Variants in PLXNA2 observed in about 807,000 individuals in gnomAD.
The protein encoded by PLXNA2 is plexin-A2.
Under a neutral mutation model 193.5 loss-of-function variants are expected in PLXNA2, and 91 were observed. That is an observed-to-expected ratio of 0.47 (90% CI 0.40 to 0.56). The LOEUF (loss-of-function observed/expected upper bound fraction) is 0.56. Ranked by LOEUF, PLXNA2 falls within the 20% of genes least tolerant of loss-of-function variation. The pLI, the probability that PLXNA2 is intolerant of heterozygous loss-of-function variation, is 0.00. For missense variants in PLXNA2, 1,995 were observed against 2,503.2 expected (o/e 0.80, Z 4.33); for synonymous variants, 997 against 1,027.3 (o/e 0.97, Z 0.56).
intron 3 of PLXNA2, among the ~76,000 whole-genome samples, chr1:208,203,679 T>C (rs1248263169): frequency 6.6e-6 from 1 of 152,120 alleles, no homozygotes; most frequent in African/African-American, 2.4e-5. Context: ...TAAATGCCAA[T>C]GTCAATATTG....
intron 2 of PLXNA2, among the ~76,000 whole-genome samples, chr1:208,213,197 C>A (rs1671018334): frequency 6.6e-6 from 1 of 152,124 alleles, no homozygotes; most frequent in African/African-American, 2.4e-5. Flanking sequence ...CAGCCTAAGC[C>A]CTTAGGATTG....
rs889847498 is a variant in PLXNA2 at position 208,236,965 on chromosome 1, C to G, written c.-81+6678G>C. Among the ~76,000 whole-genome samples, 1 of 152,254 alleles carries G rather than the reference C, an allele frequency of 6.6e-6. No homozygotes were observed. Among genetic ancestry groups the G allele is most frequent in the Non-Finnish European group, 1.5e-5 (1 of 68,048 alleles). ...GACAGCATCACTGATGTGGCTCCCC[C>G]AGCCTCAGACGAGGTGCAGGGAGAG... On this transcript the variant is annotated intron_variant, in intron 1 of 31. Coordinates refer to ENST00000367033, the MANE Select transcript of PLXNA2 (RefSeq NM_025179.4). This position sits in a 1 kb window ranked among gnomAD's most constrained non-coding sequence, Gnocchi z 4.4.
intron 12 of PLXNA2, among the ~76,000 whole-genome samples, chr1:208,074,465 A>G (rs1313277722): frequency 6.6e-6 from 1 of 152,186 alleles, no homozygotes; most frequent in Non-Finnish European, 1.5e-5. Flanking sequence ...AGCAGAAGGT[A>G]AGTCCTGAGG....
chr1:208,196,158 A>G (rs1670353067), intron 3 of PLXNA2, among the ~76,000 whole-genome samples: 1 of 152,190 alleles, frequency 6.6e-6, no homozygotes, highest in African/African-American at 2.4e-5. Context: ...GAAGAAACTG[A>G]TTAATGTTTT....
At chr1:208,108,578 T>G (rs1371372577) in intron 4 of PLXNA2, among the ~76,000 whole-genome samples, 1 of 152,214 alleles carries the variant, frequency 6.6e-6, no homozygotes, top group African/African-American at 2.4e-5. Context: ...TCTATGGCTC[T>G]TCTGGAGAAA....
At chr1:208,167,930 C>T (rs746732890) in intron 3 of PLXNA2, among the ~76,000 whole-genome samples, 1 of 152,196 alleles carries the variant, frequency 6.6e-6, no homozygotes, top group Admixed American at 6.5e-5. Context: ...TACAGAATTG[C>T]TCTCTGGCTT....
In PLXNA2 at chr1:208,217,740, G is replaced by A. The variant is rs12120681; in HGVS notation, c.183C>T (p.Ala61=). The A allele has an allele frequency of 0.15, 244,781 of 1,614,008 alleles. 20,166 individuals carry two copies. The highest frequency in any genetic ancestry group is 0.17 in the Non-Finnish European group (199,706 of 1,179,966). ...NHLTVHQGTG[A]VYVGAINRVY... Reference sequence around the variant, plus strand: ...CCCGGTTGATGGCCCCCACATAGACGGCCCCCGTCCCTTGGTGGACGGTCA... The same window carrying A: ...CCCGGTTGATGGCCCCCACATAGACAGCCCCCGTCCCTTGGTGGACGGTCA... Residue 61 remains alanine, a synonymous_variant, in exon 2 of 32, where the codon GCC becomes GCT. Transcript: ENST00000367033. This position sits in a 1 kb window ranked among gnomAD's most constrained non-coding sequence, Gnocchi z 4.7.
intron 9 of PLXNA2, among the ~76,000 whole-genome samples, chr1:208,089,972 C>T (rs1041123007): frequency 2.0e-5 from 3 of 152,130 alleles, no homozygotes; most frequent in African/African-American, 4.8e-5. Flanking sequence ...ATGGGGTTCT[C>T]CTAAAGCAGA....
intron 9 of PLXNA2, among the ~76,000 whole-genome samples, chr1:208,089,625 TTTG>T (rs1179934059): frequency 6.6e-6 from 1 of 152,200 alleles, no homozygotes; most frequent in Non-Finnish European, 1.5e-5. Flanking sequence ...CTGGGCACAC[TTTG>T]AGAACTCCTG....
intron 3 of PLXNA2, among the ~76,000 whole-genome samples, chr1:208,187,809 T>C (rs1473768034): frequency 1.3e-5 from 2 of 152,148 alleles, no homozygotes; most frequent in African/African-American, 4.8e-5. Context: ...GCTGATCAGA[T>C]GGGTCAGGTA....
chr1:208,069,576 C>T lies in PLXNA2; in HGVS notation c.2587-8739G>A, dbSNP rs553424094. ...CTGCACTGGGGAGGCGCTGGAAGGC[C>T]CAGGGGCTTGGCAGCCTGGGGAGTG... On this transcript the variant is annotated intron_variant, in intron 12 of 31. Coordinates refer to ENST00000367033, the MANE Select transcript of PLXNA2 (RefSeq NM_025179.4). 6.0e-4 allele frequency among the ~76,000 whole-genome samples: 92 copies of T among 152,256 alleles called. 3 individuals carry two copies. In the South Asian group the frequency reaches 0.019, roughly 31 times the overall value.
chr1:208,220,112 C>A (rs1034424004), intron 1 of PLXNA2, among the ~76,000 whole-genome samples: 1 of 152,024 alleles, frequency 6.6e-6, no homozygotes, highest in African/African-American at 2.4e-5. Flanking sequence ...TGAGGAGCCG[C>A]GAGGGGAGGA....
At chr1:208,242,692 G>C (rs1219854178) in intron 1 of PLXNA2, among the ~76,000 whole-genome samples, 1 of 152,166 alleles carries the variant, frequency 6.6e-6, no homozygotes, top group African/African-American at 2.4e-5. Context: ...CTCCTGAGCA[G>C]AGCTGAGTTT....
intron 24 of PLXNA2, 125 bp downstream of exon 24, chr1:208,039,496 G>T: frequency 2.2e-6 from 3 of 1,342,248 alleles, no homozygotes; most frequent in South Asian, 1.3e-5. Flanking sequence ...TGTCCTTTGG[G>T]CTCACCCCAG....
chr1:208,113,952 A>G (rs905434242), intron 4 of PLXNA2, among the ~76,000 whole-genome samples: 1 of 152,162 alleles, frequency 6.6e-6, no homozygotes, highest in African/African-American at 2.4e-5. Flanking sequence ...GCCCAAGAAG[A>G]AGCTGGTCAG....
chr1:208,167,188 C>G (rs1244919550), intron 3 of PLXNA2, among the ~76,000 whole-genome samples: 2 of 152,154 alleles, frequency 1.3e-5, no homozygotes, highest in Non-Finnish European at 2.9e-5. Flanking sequence ...CTAATGAGGA[C>G]TCCCCTGACT....
Position 208,217,001 on chromosome 1 carries a change from G to T in PLXNA2, c.922C>A (p.Arg308Ser). 1 of 1,612,022 alleles carries T rather than the reference G, an allele frequency of 6.2e-7. No homozygotes were observed. The highest frequency in any genetic ancestry group is 8.5e-7 in the Non-Finnish European group (1 of 1,178,654). Residue 308 changes from arginine to serine, a missense_variant, in exon 2 of 32, where the codon CGC becomes AGC. This residue lies in a region of PLXNA2 where 702 missense variants were observed against 812.9 expected (regional missense o/e 0.86). Transcript: ENST00000367033. The surrounding 1 kb of genome is among the most constrained non-coding windows in gnomAD (Gnocchi z 4.7). ...GCCAGGTAAGCAGCCTGCAGGAGGC[G>T]GTATTCCACCCCGGCCCGGGTGCAG... ...FGCTRAGVEY[R>S]LLQAAYLAKP...
At position 208,147,875 on chromosome 1, in the gene PLXNA2, C is replaced by T. The variant is rs114505587; in HGVS notation, c.1372-5412G>A. Among the ~76,000 whole-genome samples, 1,051 of 152,296 alleles carry T rather than the reference C, an allele frequency of 6.9e-3. 6 individuals are homozygous for T. The highest frequency in any genetic ancestry group is 0.01 in the Non-Finnish European group (696 of 68,024). On this transcript the variant is annotated intron_variant, in intron 3 of 31. Coordinates refer to ENST00000367033, the MANE Select transcript of PLXNA2 (RefSeq NM_025179.4). ...CCCAAGTTCAAAGTGGGACAATCTC[C>T]TATTTCCTGGGGACAACAGTAAACT...
intron 3 of PLXNA2, among the ~76,000 whole-genome samples, chr1:208,147,989 C>T (rs1352812879): frequency 6.6e-6 from 1 of 152,162 alleles, no homozygotes; most frequent in African/African-American, 2.4e-5. Context: ...AGGTAAAATC[C>T]AGCAGAGATT....
Sources: allele counts gnomAD v4.1 joint callset (sites outside exome capture counted in the v4.1 genomes callset), GRCh38; gene constraint gnomAD v4.1.1; regional missense constraint gnomAD v4.1.1; non-coding constraint Gnocchi (gnomAD v3.1); transcripts MANE v1.5; gene names NCBI Gene and HGNC (gene_info 2026-07-23, HGNC 2026-07-21).